DIP2B: variants seen among roughly 807,000 people sequenced by gnomAD.
The protein encoded by DIP2B is disco-interacting protein 2 homolog B.
DIP2B carries 76 observed loss-of-function variants against 198.0 expected under a neutral mutation model. The ratio of observed to expected loss-of-function variants is 0.38; its 90% CI spans 0.32 to 0.46. DIP2B has a LOEUF of 0.46. DIP2B is among the 20% of genes least tolerant of loss of function. The pLI is 0.99. For synonymous variants in DIP2B, 701 were observed against 739.1 expected (o/e 0.95, Z 0.84); for missense variants, 1,559 against 1,978.4 (o/e 0.79, Z 4.02).
chr12:50,675,438 A>C lies in DIP2B; in HGVS notation c.906A>C (p.Glu302Asp). ...LKEFFVDDSEEIVEVPQPDPN... is the reference protein window; with the variant it reads ...LKEFFVDDSEDIVEVPQPDPN... ...AATTTTTTGTGGATGACTCTGAAGA[A>C]ATTGTGGAAGGTAGTAGTAAAAATA... The change falls in exon 7 of 38, where the codon GAA (glutamate) becomes GAC (aspartate). Residue 302 changes from glutamate (E) to aspartate (D), a missense_variant. Glu to Asp is a conservative substitution (Grantham distance 45). Transcript: ENST00000301180. 1 of 1,613,710 alleles carries C rather than the reference A, an allele frequency of 6.2e-7. No homozygotes were observed. Among genetic ancestry groups the C allele is most frequent in the South Asian group, 1.1e-5 (1 of 90,990 alleles).
intron 7 of DIP2B, among the ~76,000 whole-genome samples, chr12:50,677,349 C>T (rs958430272): frequency 1.3e-5 from 2 of 152,026 alleles, no homozygotes; most frequent in Admixed American, 6.6e-5. Context: ...TGGCCGGGCG[C>T]GGTGGCTCAC....
chr12:50,562,577 A>G (rs1160938287), intron 1 of DIP2B, among the ~76,000 whole-genome samples: 2 of 151,986 alleles, frequency 1.3e-5, no homozygotes, highest in African/African-American at 2.4e-5. Flanking sequence ...TACAAAAAAT[A>G]AAAAAGTTAG....
At chr12:50,714,270 C>T in intron 22 of DIP2B, 125 bp from the exon 23 acceptor site, 1 of 947,088 alleles carries the variant, frequency 1.1e-6, no homozygotes, top group South Asian at 1.6e-5. Context: ...TAGTGATCTG[C>T]CAGATTCTAG....
At chr12:50,578,122 A>AT (rs1442862785) in intron 1 of DIP2B, among the ~76,000 whole-genome samples, 3 of 151,962 alleles carry the variant, frequency 2.0e-5, no homozygotes, top group Admixed American at 6.6e-5. Context: ...AGTGATTCTC[A>AT]TGCCTCAGCC....
intron 5 of DIP2B, among the ~76,000 whole-genome samples, chr12:50,673,154 CT>C (rs1406539378): frequency 2.1e-4 from 32 of 152,174 alleles, no homozygotes; most frequent in Non-Finnish European, 1.8e-4. Context: ...CCACATTATC[CT>C]ACAGAAAGGT....
chr12:50,513,314 C>T (rs1958034775), intron 1 of DIP2B, among the ~76,000 whole-genome samples: 1 of 152,150 alleles, frequency 6.6e-6, no homozygotes, highest in Non-Finnish European at 1.5e-5. Flanking sequence ...TAGTCCAGTA[C>T]ATGTTGGGTC....
chr12:50,544,844 CCT>C lies in DIP2B; in HGVS notation c.100+39605_100+39606del, dbSNP rs533587967. Among the ~76,000 whole-genome samples, 587 of 152,058 alleles carry C rather than the reference CCT, an allele frequency of 3.9e-3. 3 individuals are homozygous for C. The highest frequency in any genetic ancestry group is 0.013 in the African/African-American group (549 of 41,470). On this transcript the variant is annotated intron_variant, in intron 1 of 37. Transcript: ENST00000301180. ...GTGTTAGCCAGGCTGATCTCGAACT[CCT>C]GACCTCATGATCTGCCCGCCTTGGC...
At chr12:50,615,500 A>G (rs1238320296) in intron 1 of DIP2B, among the ~76,000 whole-genome samples, 1 of 152,220 alleles carries the variant, frequency 6.6e-6, no homozygotes, top group Non-Finnish European at 1.5e-5. Context: ...GTCTAGTACC[A>G]TGATCTGAGT....
Position 50,696,987 on chromosome 12 carries a change from C to G in DIP2B, c.1934-74C>G. ...CATGAGAAATAAGTATGTCAGCTTT[C>G]TATTCTTTACCATTTTCCTACAGTA... On this transcript the variant is annotated intron_variant, in intron 16 of 37. Transcript: ENST00000301180. 1.1e-5 allele frequency: 12 copies of G among 1,131,890 alleles called. No homozygotes were observed. The South Asian group carries it at 1.7e-4, about 16-fold the overall frequency. The allele number at this position is 1,131,890 out of a possible 1,614,324, so 70.1% of individuals were successfully genotyped here.
intron 1 of DIP2B, among the ~76,000 whole-genome samples, chr12:50,553,425 A>G (rs1163325003): frequency 2.0e-5 from 3 of 152,180 alleles, no homozygotes; most frequent in Non-Finnish European, 4.4e-5. Flanking sequence ...GGCACCCTGT[A>G]TTCATTTATT....
At chr12:50,698,558 A>G in intron 18 of DIP2B, 91 bp downstream of exon 18, 2 of 1,480,362 alleles carry the variant, frequency 1.4e-6, no homozygotes, top group Non-Finnish European at 1.8e-6. Context: ...CAAACGAGGA[A>G]CCCTTAATTC....
intron 10 of DIP2B, 109 bp downstream of exon 10, chr12:50,683,357 G>A: frequency 1.2e-6 from 1 of 809,878 alleles, no homozygotes; most frequent in Non-Finnish European, 2.0e-6. Context: ...ATTTTTGGAA[G>A]TACTCAGCTT....
Position 50,708,467 on chromosome 12 carries a change from T to C in DIP2B, c.2554T>C (p.Ser852Pro). 1 of 1,602,890 alleles carries C rather than the reference T, an allele frequency of 6.2e-7. No individual in the cohort carries two copies. The highest frequency in any genetic ancestry group is 1.1e-5 in the South Asian group (1 of 88,974). Residue 852 changes from serine (S) to proline (P), a missense_variant, in exon 22 of 38, where the codon TCT becomes CCT. Transcript: ENST00000301180. Reference protein sequence around the residue: ...YRGRIAVFSVSVFYDERIVVV... With the variant: ...YRGRIAVFSVPVFYDERIVVV... ...TCTTAGAATTGCTGTGTTTTCTGTG[T>C]CTGTATTTTATGATGAGCGCATTGT...
At chr12:50,722,410 C>T (rs962304186) in intron 26 of DIP2B, among the ~76,000 whole-genome samples, 4 of 152,126 alleles carry the variant, frequency 2.6e-5, no homozygotes, top group East Asian at 3.9e-4. Flanking sequence ...CACGCCACCA[C>T]GCCCAGCTAA....
At chr12:50,622,041 T>C (rs1405692408) in intron 1 of DIP2B, among the ~76,000 whole-genome samples, 1 of 152,196 alleles carries the variant, frequency 6.6e-6, no homozygotes, top group East Asian at 1.9e-4. Context: ...GAAGAAAGCT[T>C]TTTAAAGGCC....
intron 1 of DIP2B, among the ~76,000 whole-genome samples, chr12:50,515,680 GTTC>G (rs1244195688): frequency 1.3e-5 from 2 of 152,102 alleles, no homozygotes; most frequent in Non-Finnish European, 2.9e-5. Context: ...ATTTGTGTCT[GTTC>G]TTCACCTCAC....
chr12:50,740,159 A>G (rs1940216108), intron 36 of DIP2B, among the ~76,000 whole-genome samples: 1 of 152,224 alleles, frequency 6.6e-6, no homozygotes, highest in African/African-American at 2.4e-5. Context: ...ACTTATAGCC[A>G]TTTAAAAATA....
chr12:50,731,217 A>G (rs1443797085), intron 30 of DIP2B, 152 bp from the exon 31 acceptor site: 28 of 904,890 alleles, frequency 3.1e-5, no homozygotes, highest in Non-Finnish European at 4.0e-5. Flanking sequence ...TGCGAGTTGC[A>G]TAGGAACAAG....
Position 50,674,525 on chromosome 12 carries a change from C to A in DIP2B, c.692C>A (p.Ser231Ter). The A allele has an allele frequency of 6.2e-7, 1 of 1,614,250 alleles. No individual in the cohort carries two copies. The highest frequency in any genetic ancestry group is 8.5e-7 in the Non-Finnish European group (1 of 1,180,036). Residue 231 changes from serine (S) to a stop codon, truncating the protein, a stop_gained, in exon 6 of 38, where the codon TCA becomes TAA. Transcript: ENST00000301180. LOFTEE classifies it high-confidence loss of function. ...ACTACAACTACCTCTTCCTCCTCAT[C>A]ATCTTCCTCAATTCGCCCAGCAAAC... ...DVTTTTSSSS[S>*]SSSIRPANID...
Sources: gnomAD v4.1 joint callset for allele counts (sites outside exome capture counted in the v4.1 genomes callset) on GRCh38, gnomAD v4.1.1 for gene constraint, MANE v1.5 for transcripts, NCBI Gene and HGNC (gene_info 2026-07-23, HGNC 2026-07-21) for gene names.